Variants in ZFHX3 observed in about 807,000 individuals in gnomAD.
ZFHX3 encodes the protein zinc finger homeobox 3, also known as zinc finger homeobox protein 3.
ZFHX3 carries 42 observed loss-of-function variants against 279.1 expected under a neutral mutation model. The observed-to-expected ratio is 0.15, with a 90% CI of 0.12 to 0.19. The LOEUF (loss-of-function observed/expected upper bound fraction) is 0.19. ZFHX3 is among the 10% of genes least tolerant of loss of function. The pLI is 1.00. For missense variants in ZFHX3, 4,981 were observed against 4,754.0 expected, an observed-to-expected ratio of 1.05 and a Z score of -1.40; for synonymous variants, 2,293 against 1,957.8, an observed-to-expected ratio of 1.17 and a Z score of -4.52.
rs543438403 is a variant in ZFHX3 at position 73,508,896 on chromosome 16, A to C, written c.-1546-52638T>G. 2.6e-5 allele frequency among the ~76,000 whole-genome samples: 4 copies of C among 152,324 alleles called. No homozygotes were observed. The East Asian group carries it at 7.7e-4, about 29-fold the overall frequency. ...TGCTGAGTGTCTGTGATGTCTTTTG[A>C]ATCAATCTCAGGAAAAAGATATCCC... is the stretch of plus-strand genomic sequence containing the variant. On this transcript the variant is annotated intron_variant, in intron 2 of 17. Transcript: ENST00000641206.
intron 3 of ZFHX3, among the ~76,000 whole-genome samples, chr16:72,916,379 G>A (rs779279121): frequency 2.6e-5 from 4 of 152,238 alleles, no homozygotes; most frequent in South Asian, 2.1e-4. Context: ...CCCAGAGAAT[G>A]CTGATGATAA....
chr16:73,766,183 C>A (rs2053940024), intron 1 of ZFHX3, among the ~76,000 whole-genome samples: 1 of 152,138 alleles, frequency 6.6e-6, no homozygotes, highest in Non-Finnish European at 1.5e-5. Flanking sequence ...TGACAGCGTG[C>A]ATAAAATCCA....
At chr16:72,870,983 C>CA (rs556790720) in intron 4 of ZFHX3, among the ~76,000 whole-genome samples, 7 of 152,024 alleles carry the variant, frequency 4.6e-5, no homozygotes, top group Admixed American at 4.6e-4. Context: ...AAATCCTTCC[C>CA]AAAAAAATGG....
At chr16:73,750,184 T>G (rs1446138642) in intron 1 of ZFHX3, among the ~76,000 whole-genome samples, 1 of 152,140 alleles carries the variant, frequency 6.6e-6, no homozygotes, top group Non-Finnish European at 1.5e-5. Flanking sequence ...AAGTTGCATT[T>G]GCAGAGTCCT....
intron 2 of ZFHX3, among the ~76,000 whole-genome samples, chr16:73,655,489 CAGTT>C (rs1597050026): frequency 6.6e-6 from 1 of 152,134 alleles, no homozygotes; most frequent in South Asian, 2.1e-4. Context: ...CAGCAAAAGA[CAGTT>C]AGAAAATAAC....
At position 73,774,507 on chromosome 16, in the gene ZFHX3, C is replaced by T. The variant is rs1315589839; in HGVS notation, c.-1607-94267G>A. On this transcript the variant is annotated intron_variant, in intron 1 of 17. Transcript: ENST00000641206. ...GCTCTGTTCTTCCTACTTGTAAGCACCTGACTTACCTCCAGACTCAATCTT... is the reference window on the plus strand; with the variant it reads ...GCTCTGTTCTTCCTACTTGTAAGCATCTGACTTACCTCCAGACTCAATCTT... 2.0e-5 allele frequency among the ~76,000 whole-genome samples: 3 copies of T among 152,158 alleles called. No individual in the cohort carries two copies. In the East Asian group the frequency reaches 5.8e-4, roughly 29 times the overall value.
chr16:72,797,363 G>A lies in ZFHX3; in HGVS notation c.5319C>T (p.Asn1773=), dbSNP rs1476226584. The change falls in exon 9 of 10, where the codon AAC becomes AAT. Residue 1773 remains asparagine (N), a synonymous_variant. Coordinates refer to ENST00000268489, the MANE Select transcript of ZFHX3 (RefSeq NM_006885.4). The stretch of plus-strand genomic sequence containing the variant: ...TGGGGAAGTGAGGAAGGAGGGTGGG[G>A]TTAAACAGCTGAGACTGGATCAGGG... The part of the protein sequence containing the change: ...QAALIQSQLF[N]PTLLPHFPMT... 8.1e-6 allele frequency: 13 copies of A among 1,601,010 alleles called. No individual in the cohort carries two copies. The Middle Eastern group carries it at 5.0e-4, about 62-fold the overall frequency.
At chr16:73,680,351 C>T (rs1309792375) in intron 1 of ZFHX3, 1 of 152,026 alleles carries the variant, frequency 6.6e-6, no homozygotes, top group African/African-American at 2.4e-5. Flanking sequence ...AAATAAGGCA[C>T]ATTCTGAGTG....
chr16:73,776,371 C>T (rs1959244413), intron 1 of ZFHX3, among the ~76,000 whole-genome samples: 1 of 152,072 alleles, frequency 6.6e-6, no homozygotes, highest in Non-Finnish European at 1.5e-5. Flanking sequence ...CGACATGCCC[C>T]AGTTCTATGC....
intron 2 of ZFHX3, among the ~76,000 whole-genome samples, chr16:73,499,081 T>G (rs2019190543): frequency 6.6e-6 from 1 of 152,178 alleles, no homozygotes; most frequent in South Asian, 2.1e-4. Flanking sequence ...AAAGATCTCA[T>G]TTAGCATCCC....
At chr16:73,860,940 T>C (rs976538934) in intron 1 of ZFHX3, among the ~76,000 whole-genome samples, 1 of 151,980 alleles carries the variant, frequency 6.6e-6, no homozygotes, top group Non-Finnish European at 1.5e-5. Flanking sequence ...TTACTTTGTG[T>C]AGGTTCTATG....
chr16:73,123,855 T>A (rs927480465), intron 7 of ZFHX3, among the ~76,000 whole-genome samples: 2 of 152,146 alleles, frequency 1.3e-5, no homozygotes, highest in African/African-American at 4.8e-5. Context: ...TTCTGCAATA[T>A]GAAGACCCAG....
intron 3 of ZFHX3, among the ~76,000 whole-genome samples, chr16:73,424,561 G>T (rs958789731): frequency 6.6e-6 from 1 of 151,930 alleles, no homozygotes; most frequent in East Asian, 1.9e-4. Flanking sequence ...CCTGGGCAAC[G>T]TAGCAAGACC....
chr16:73,241,790 C>CAAAAAAAAAAAAAAA (rs60214410), intron 5 of ZFHX3, among the ~76,000 whole-genome samples: 6 of 51,280 alleles, frequency 1.2e-4, no homozygotes, highest in South Asian at 1.1e-3. Flanking sequence ...AACTCCGTCT[C>CAAAAAAAAAAAAAAA]AAAAAAAAAA....
At chr16:72,962,174 A>G (rs73592736) in intron 1 of ZFHX3, among the ~76,000 whole-genome samples, 5,483 of 152,312 alleles carry the variant, frequency 0.036, 164 homozygotes, top group Middle Eastern at 0.095. Context: ...ATAAAGCAGA[A>G]CAGCTTTGAT....
intron 1 of ZFHX3, among the ~76,000 whole-genome samples, chr16:73,890,371 C>A (rs1294562560): frequency 6.6e-6 from 1 of 152,118 alleles, no homozygotes; most frequent in Non-Finnish European, 1.5e-5. Context: ...CATTTTTACT[C>A]CTGCATTCAG....
intron 4 of ZFHX3, among the ~76,000 whole-genome samples, chr16:73,300,280 AAAAAG>A (rs1470989348): frequency 6.6e-6 from 1 of 150,442 alleles, no homozygotes; most frequent in Non-Finnish European, 1.5e-5. Context: ...AAAAAAAAAA[AAAAAG>A]GACTCCCTGA....
chr16:72,960,026 C>T lies in ZFHX3; in HGVS notation c.120G>A (p.Glu40=), dbSNP rs62053192. The change falls in exon 2 of 10, where the codon GAG becomes GAA. Residue 40 remains glutamate, a synonymous_variant. Coordinates refer to ENST00000268489, the MANE Select transcript of ZFHX3 (RefSeq NM_006885.4). ...GCCCGTGGCTCTCGCCTGTGGACTGCTCCATGCTACTGGGTTTGTCAGGGA... is the reference window on the plus strand; with the variant it reads ...GCCCGTGGCTCTCGCCTGTGGACTGTTCCATGCTACTGGGTTTGTCAGGGA... ...THLPDKPSSM[E]QSTGESHGPL... 111,488 of 1,613,942 alleles carry T rather than the reference C, an allele frequency of 0.069. 4,382 individuals carry two copies. The highest frequency in any genetic ancestry group is 0.08 in the Non-Finnish European group (93,837 of 1,179,868).
intron 5 of ZFHX3, among the ~76,000 whole-genome samples, chr16:72,827,076 G>T (rs906478562): frequency 6.6e-6 from 1 of 152,116 alleles, no homozygotes; most frequent in Non-Finnish European, 1.5e-5. Context: ...GCAAGTGGTG[G>T]CTCCTGTTTA....
Sources: allele counts gnomAD v4.1 joint callset (sites outside exome capture counted in the v4.1 genomes callset), GRCh38; gene constraint gnomAD v4.1.1; transcripts MANE v1.5; gene names NCBI Gene and HGNC (gene_info 2026-07-23, HGNC 2026-07-21).